The following EFL1 variants were observed in gnomAD, a reference collection of about 807,000 sequenced individuals.
EFL1 encodes elongation factor-like GTPase 1.
In EFL1, 76 loss-of-function variants were observed where a neutral mutation model predicts 126.7. That is an observed-to-expected ratio of 0.60 (90% CI 0.50 to 0.73). The LOEUF (loss-of-function observed/expected upper bound fraction) is 0.73, where lower values mean the gene tolerates loss of function less well. EFL1 is among the 30% of genes least tolerant of loss of function. EFL1 has a pLI of 0.00. For missense variants in EFL1, 1,128 were observed against 1,343.2 expected (o/e 0.84, Z 2.50); for synonymous variants, 410 against 448.4 (o/e 0.91, Z 1.08).
At chr15:82,202,867 A>G (rs1173454952) in intron 15 of EFL1, among the ~76,000 whole-genome samples, 7 of 151,068 alleles carry the variant, frequency 4.6e-5, no homozygotes, top group Non-Finnish European at 1.0e-4. Flanking sequence ...GCTGAAGTAC[A>G]ATGGTGCGAT....
chr15:82,177,523 T>A (rs2074206958), intron 15 of EFL1, among the ~76,000 whole-genome samples: 1 of 152,176 alleles, frequency 6.6e-6, no homozygotes, highest in Non-Finnish European at 1.5e-5. Context: ...AACAGCCTCC[T>A]CCTGGCTGCA....
intron 19 of EFL1, among the ~76,000 whole-genome samples, chr15:82,138,361 T>A (rs2141212557): frequency 6.6e-6 from 1 of 152,004 alleles, no homozygotes; most frequent in African/African-American, 2.4e-5. Flanking sequence ...GAAAAAAGGA[T>A]TAAATTTTCA....
rs1415682981 is a variant in EFL1 at position 82,230,943 on chromosome 15, G to T, written c.760C>A (p.Gln254Lys). 10 of 1,612,826 alleles carry T rather than the reference G, an allele frequency of 6.2e-6. No homozygotes were observed. The East Asian group carries it at 8.9e-5, about 14-fold the overall frequency. Reference protein sequence around the residue: ...GIEHFARIYSQKIGIKKEVLM... With the variant: ...GIEHFARIYSKKIGIKKEVLM... ...ACTTCCTTTTTGATGCCAATTTTTT[G>T]ACTGTAGATTCTGGCGAAGTGCTCA... The change falls in exon 8 of 20, where the codon CAA becomes AAA. Residue 254 changes from glutamine (Q) to lysine (K), a missense_variant. This residue lies in a region of EFL1 where 316 missense variants were observed against 318.5 expected (regional missense o/e 0.99). Coordinates refer to ENST00000268206, the MANE Select transcript of EFL1 (RefSeq NM_024580.6).
chr15:82,199,471 GC>G (rs1170998061), intron 15 of EFL1, among the ~76,000 whole-genome samples: 3 of 152,206 alleles, frequency 2.0e-5, no homozygotes, highest in African/African-American at 2.4e-5. Flanking sequence ...TAGGACTGCG[GC>G]CCGCAAAATA....
In EFL1 at chr15:82,262,711, G is replaced by C. The variant is rs868867804; in HGVS notation, c.-117C>G. 2.6e-5 allele frequency: 20 copies of C among 756,274 alleles called. No individual in the cohort carries two copies. The South Asian group carries it at 3.8e-4, about 14-fold the overall frequency. 46.8% of individuals were successfully genotyped at this position (756,274 alleles called of 1,614,324 possible). A position where few individuals can be genotyped will look rare whatever the true frequency, so the allele number is the denominator to read the frequency against. ...AGAGCTCTGCGGGTCCGACACGCCC[G>C]CGCGCCAGGGGGCGGGGCCGGCTGT... On this transcript the variant is annotated 5_prime_UTR_variant, in exon 1 of 20. Transcript: ENST00000268206.
At chr15:82,174,205 AC>A (rs1279898990) in intron 15 of EFL1, 1 of 151,494 alleles carries the variant, frequency 6.6e-6, no homozygotes, top group East Asian at 1.9e-4. Context: ...GAAAAAAAAA[AC>A]CATTTATGTC....
At chr15:82,163,781 T>A in intron 16 of EFL1, 72 bp downstream of exon 16, 1 of 1,534,444 alleles carries the variant, frequency 6.5e-7, no homozygotes, top group Non-Finnish European at 8.8e-7. Flanking sequence ...TCATGAGGAA[T>A]CAAATACTAA....
At chr15:82,233,943 C>T (rs72749595) in intron 7 of EFL1, among the ~76,000 whole-genome samples, 1 of 152,292 alleles carries the variant, frequency 6.6e-6, no homozygotes, top group Non-Finnish European at 1.5e-5. Flanking sequence ...CACTACTTTC[C>T]CATAAATTCA....
In EFL1 at chr15:82,151,522, G is replaced by A. The variant is rs2073906974; in HGVS notation, c.2932C>T (p.Gln978Ter). The A allele has an allele frequency of 1.2e-6, 2 of 1,613,974 alleles. No homozygotes were observed. The highest frequency in any genetic ancestry group is 1.7e-6 in the Non-Finnish European group (2 of 1,180,020). ...ACRYALQVKP[Q>*]RLMAAMYTCD... ...GTGTACATAGCTGCCATCAGGCGCT[G>A]AGGTTTCACTTGCAGTGCATAGCGA... The change falls in exon 18 of 20, where the codon CAG becomes TAG. Residue 978 changes from glutamine (Q) to a stop codon, truncating the protein, a stop_gained. Coordinates refer to ENST00000268206, the MANE Select transcript of EFL1 (RefSeq NM_024580.6). LOFTEE classifies it high-confidence loss of function.
chr15:82,135,906 G>A (rs2073716251), intron 19 of EFL1, among the ~76,000 whole-genome samples: 1 of 152,166 alleles, frequency 6.6e-6, no homozygotes, highest in Non-Finnish European at 1.5e-5. Context: ...GTTGAGAAAG[G>A]CAGCAAGCCA....
At chr15:82,233,659 C>T (rs528700273) in intron 7 of EFL1, 2 of 152,316 alleles carry the variant, frequency 1.3e-5, no homozygotes, top group African/African-American at 2.4e-5. Flanking sequence ...ATTCTTGATG[C>T]TACCCATCCA....
At chr15:82,213,114 T>C (rs1188290060) in intron 15 of EFL1, among the ~76,000 whole-genome samples, 7 of 152,184 alleles carry the variant, frequency 4.6e-5, no homozygotes, top group African/African-American at 1.7e-4. Context: ...TCTGGTTACT[T>C]GCAGCTAAAT....
chr15:82,233,236 T>C (rs536634486), intron 7 of EFL1, among the ~76,000 whole-genome samples: 5 of 152,318 alleles, frequency 3.3e-5, no homozygotes, highest in African/African-American at 1.2e-4. Flanking sequence ...CATCAACCCA[T>C]TCGACATTAC....
rs1359805751 is a variant in EFL1 at position 82,214,749 on chromosome 15, T to C, written c.1718A>G (p.Tyr573Cys). The C allele has an allele frequency of 6.3e-7, 1 of 1,598,266 alleles. No individual in the cohort carries two copies. The highest frequency in any genetic ancestry group is 1.7e-4 in the Middle Eastern group (1 of 5,992). Reference sequence around the variant, plus strand: ...ATTTCCTGGAGGTACCTCCTCTAGATATTCCAGTTCCCTTCCCATCAGAAG... The same window carrying C: ...ATTTCCTGGAGGTACCTCCTCTAGACATTCCAGTTCCCTTCCCATCAGAAG... ...LYLLMGRELE[Y>C]LEEVPPGNVL... Residue 573 changes from tyrosine to cysteine, a missense_variant, in exon 15 of 20, where the codon TAT becomes TGT. Physicochemically the swap from Tyr to Cys is radical, Grantham distance 194. Transcript: ENST00000268206.
chr15:82,177,647 G>A (rs1416742722), intron 15 of EFL1, among the ~76,000 whole-genome samples: 1 of 152,098 alleles, frequency 6.6e-6, no homozygotes, highest in Non-Finnish European at 1.5e-5. Context: ...CTTGATTTTG[G>A]TCTGCTTCAT....
chr15:82,261,871 G>A (rs2075124430), intron 1 of EFL1, 74 bp from the exon 2 acceptor site: 10 of 1,158,810 alleles, frequency 8.6e-6, no homozygotes, highest in Admixed American at 4.5e-5. Context: ...AATAATAAAC[G>A]CTGGGAGGTG....
At chr15:82,142,395 C>A (rs2073798869) in intron 18 of EFL1, among the ~76,000 whole-genome samples, 1 of 151,994 alleles carries the variant, frequency 6.6e-6, no homozygotes, top group Non-Finnish European at 1.5e-5. Context: ...GGGACTAAGG[C>A]AGGAGGATCA....
At chr15:82,225,637 C>A (rs2074755367) in intron 11 of EFL1, among the ~76,000 whole-genome samples, 2 of 152,172 alleles carry the variant, frequency 1.3e-5, no homozygotes, top group Admixed American at 1.3e-4. Context: ...CAAAGGCCAA[C>A]AATCAACAAG....
At chr15:82,238,183 T>A (rs564979311) in intron 7 of EFL1, 124 bp downstream of exon 7, 6 of 1,051,872 alleles carry the variant, frequency 5.7e-6, no homozygotes, top group Non-Finnish European at 8.1e-6. Context: ...ACCAGAGAAC[T>A]CTCTGCATTA....
Sources: gnomAD v4.1 joint callset for allele counts (sites outside exome capture counted in the v4.1 genomes callset) on GRCh38, gnomAD v4.1.1 for gene constraint, gnomAD v4.1.1 regional missense constraint, MANE v1.5 for transcripts, NCBI Gene and HGNC (gene_info 2026-07-23, HGNC 2026-07-21) for gene names.